The following KIF16B variants were observed in gnomAD, a reference collection of about 807,000 sequenced individuals.
KIF16B encodes kinesin-like protein KIF16B.
In KIF16B, 98 loss-of-function variants were observed where a neutral mutation model predicts 156.3. The ratio of observed to expected loss-of-function variants is 0.63; its 90% CI spans 0.53 to 0.74. The LOEUF is 0.74. Among genes scored for constraint, KIF16B ranks in the 30% least tolerant of loss-of-function variants. The pLI is 0.00. For synonymous variants in KIF16B, 564 were observed against 583.7 expected, an observed-to-expected ratio of 0.97 and a Z score of 0.49; for missense variants, 1,421 against 1,606.5, an observed-to-expected ratio of 0.88 and a Z score of 1.97.
intron 1 of KIF16B, among the ~76,000 whole-genome samples, chr20:16,538,134 A>T (rs2070051712): frequency 6.6e-6 from 1 of 152,160 alleles, no homozygotes; most frequent in African/African-American, 2.4e-5. Context: ...ATTCCTGCTG[A>T]TGTCATCTCT....
intron 12 of KIF16B, among the ~76,000 whole-genome samples, chr20:16,477,183 T>C (rs2067839377): frequency 1.5e-5 from 2 of 129,890 alleles, no homozygotes; most frequent in African/African-American, 3.3e-5. Flanking sequence ...TCAATTTCCT[T>C]GTGGGTTTTT....
At chr20:16,275,832 G>C (rs1220760281) in intron 25 of KIF16B, among the ~76,000 whole-genome samples, 1 of 152,104 alleles carries the variant, frequency 6.6e-6, no homozygotes, top group East Asian at 1.9e-4. Context: ...AACTTTAAAG[G>C]GACTTGAATT....
intron 15 of KIF16B, among the ~76,000 whole-genome samples, chr20:16,419,462 T>C (rs1343927116): frequency 6.6e-6 from 1 of 152,158 alleles, no homozygotes; most frequent in Non-Finnish European, 1.5e-5. Flanking sequence ...CTCCAGCAGA[T>C]GAAAATTTTA....
At chr20:16,520,044 C>T (rs182302135) in intron 3 of KIF16B, among the ~76,000 whole-genome samples, 157 of 152,156 alleles carry the variant, frequency 1.0e-3, no homozygotes, top group Non-Finnish European at 1.8e-3. Context: ...GAGATTCCTT[C>T]GGGTACCTAC....
intron 12 of KIF16B, among the ~76,000 whole-genome samples, chr20:16,453,126 C>G (rs1006666809): frequency 6.7e-6 from 1 of 150,200 alleles, no homozygotes; most frequent in Non-Finnish European, 1.5e-5. Flanking sequence ...AAAAATTACT[C>G]AGGTTTAGTG....
intron 25 of KIF16B, among the ~76,000 whole-genome samples, chr20:16,291,143 G>T (rs1281019034): frequency 1.3e-5 from 2 of 152,146 alleles, no homozygotes; most frequent in Admixed American, 1.3e-4. Flanking sequence ...GATAAACAAT[G>T]AGAAGCATGG....
rs543362142 is a variant in KIF16B at position 16,311,292 on chromosome 20, C to A, written c.3795+1043G>T. On this transcript the variant is annotated intron_variant, in intron 25 of 25. Transcript: ENST00000354981. ...TGGCTTGAGGTCAAGAGCTCGAGAC[C>A]AGCTTGGCCAACATGGTGAAACCCC... Among the ~76,000 whole-genome samples, 308 of 152,222 alleles carry A rather than the reference C, an allele frequency of 2.0e-3. 1 individual carries two copies. Among genetic ancestry groups the A allele is most frequent in the Non-Finnish European group, 3.2e-3 (221 of 68,000 alleles).
At chr20:16,418,858 C>T in intron 15 of KIF16B, among the ~76,000 whole-genome samples, 1 of 152,108 alleles carries the variant, frequency 6.6e-6, no homozygotes, top group Non-Finnish European at 1.5e-5. Flanking sequence ...GTTCCCTTTC[C>T]CCCTCCCTCA....
chr20:16,371,798 C>G (rs776553582), intron 20 of KIF16B, 37 bp from the exon 21 acceptor site: 7 of 1,387,738 alleles, frequency 5.0e-6, no homozygotes, highest in Admixed American at 1.7e-5. Context: ...TCTGACACTT[C>G]TAACCACACA....
At chr20:16,296,196 C>T (rs2063383749) in intron 25 of KIF16B, among the ~76,000 whole-genome samples, 1 of 152,198 alleles carries the variant, frequency 6.6e-6, no homozygotes, top group South Asian at 2.1e-4. Context: ...TGTCTTCGAA[C>T]AAGGCAGGCA....
At chr20:16,538,381 A>G (rs1004578790) in intron 1 of KIF16B, among the ~76,000 whole-genome samples, 1 of 152,252 alleles carries the variant, frequency 6.6e-6, no homozygotes, top group Non-Finnish European at 1.5e-5. Context: ...AAAATAAATA[A>G]TCCTAAGATA....
At chr20:16,438,775 T>A (rs1175053741) in intron 12 of KIF16B, among the ~76,000 whole-genome samples, 2 of 152,172 alleles carry the variant, frequency 1.3e-5, no homozygotes, top group Non-Finnish European at 2.9e-5. Flanking sequence ...ATGACTTTTT[T>A]ATTTTTGCTC....
chr20:16,529,694 G>A (rs1016067656), intron 1 of KIF16B, among the ~76,000 whole-genome samples: 3 of 152,212 alleles, frequency 2.0e-5, no homozygotes, highest in African/African-American at 7.2e-5. Context: ...GCTCACGCCT[G>A]TAATCCCTGC....
intron 25 of KIF16B, among the ~76,000 whole-genome samples, chr20:16,281,731 A>C (rs1430443327): frequency 2.6e-5 from 4 of 152,158 alleles, no homozygotes; most frequent in African/African-American, 9.7e-5. Flanking sequence ...TCCAAGAAGC[A>C]GTAAGCCAGG....
At chr20:16,285,984 C>A (rs2063216891) in intron 25 of KIF16B, among the ~76,000 whole-genome samples, 1 of 152,222 alleles carries the variant, frequency 6.6e-6, no homozygotes, top group Non-Finnish European at 1.5e-5. Context: ...TACATAGTTT[C>A]TCATTCTGAA....
chr20:16,298,226 A>G (rs951364704), intron 25 of KIF16B, among the ~76,000 whole-genome samples: 2 of 152,248 alleles, frequency 1.3e-5, no homozygotes, highest in Non-Finnish European at 2.9e-5. Context: ...AGATTAGGCC[A>G]GATAGGTTTG....
chr20:16,280,906 T>C (rs1180070787), intron 25 of KIF16B, among the ~76,000 whole-genome samples: 1 of 151,178 alleles, frequency 6.6e-6, no homozygotes, highest in Non-Finnish European at 1.5e-5. Flanking sequence ...GGCCTTCAGA[T>C]GCCTTTGAAA....
intron 1 of KIF16B, among the ~76,000 whole-genome samples, chr20:16,548,293 T>C (rs752450636): frequency 6.6e-6 from 1 of 151,988 alleles, no homozygotes; most frequent in African/African-American, 2.4e-5. Flanking sequence ...AGAGTGCACA[T>C]AGAACGATAA....
intron 15 of KIF16B, among the ~76,000 whole-genome samples, chr20:16,415,731 C>T (rs944895231): frequency 2.6e-5 from 4 of 152,158 alleles, no homozygotes; most frequent in Non-Finnish European, 4.4e-5. Flanking sequence ...CACTTTTTCA[C>T]TATATGCCAT....
Sources: gnomAD v4.1 joint callset for allele counts (sites outside exome capture counted in the v4.1 genomes callset) on GRCh38, gnomAD v4.1.1 for gene constraint, MANE v1.5 for transcripts, NCBI Gene and HGNC (gene_info 2026-07-23, HGNC 2026-07-21) for gene names.